Variants in MACF1 observed in about 807,000 individuals in gnomAD.
MACF1 encodes the protein microtubule actin crosslinking factor 1.
Under a neutral mutation model 854.8 loss-of-function variants are expected in MACF1, and 193 were observed. The ratio of observed to expected loss-of-function variants is 0.23; its 90% CI spans 0.20 to 0.25. The LOEUF is 0.25. Ranked by LOEUF, MACF1 falls within the 10% of genes least tolerant of loss-of-function variation. The probability of loss-of-function intolerance (pLI) is 1.00; values close to 1 mark genes in which losing one functional copy is unlikely to be tolerated. For missense variants in MACF1, 7,722 were observed against 8,929.1 expected, an observed-to-expected ratio of 0.86 and a Z score of 5.45; for synonymous variants, 3,185 against 3,226.7, an observed-to-expected ratio of 0.99 and a Z score of 0.44.
intron 58 of MACF1, among the ~76,000 whole-genome samples, chr1:39,418,211 G>A (rs1355509942): frequency 6.6e-6 from 1 of 152,138 alleles, no homozygotes; most frequent in Non-Finnish European, 1.5e-5. Flanking sequence ...GGAGTGGATA[G>A]TATAAATTAT....
At chr1:39,126,520 G>A (rs1292864902) in intron 2 of MACF1, among the ~76,000 whole-genome samples, 1 of 152,166 alleles carries the variant, frequency 6.6e-6, no homozygotes, top group Non-Finnish European at 1.5e-5. Flanking sequence ...GAGCACGGTG[G>A]CTCATGCCTG....
At chr1:39,295,002 A>G (rs746054938) in intron 18 of MACF1, 44 bp from the exon 19 acceptor site, 1 of 1,403,358 alleles carries the variant, frequency 7.1e-7, no homozygotes, top group African/African-American at 1.4e-5. Flanking sequence ...TCCGCTCCCC[A>G]CTGCCAAGAG....
chr1:39,324,547 C>A (rs962387610), intron 34 of MACF1, 99 bp from the exon 35 acceptor site: 5 of 1,110,664 alleles, frequency 4.5e-6, no homozygotes, highest in Non-Finnish European at 6.4e-6. Flanking sequence ...TTGACCTAAG[C>A]TGCATATTTT....
chr1:39,233,791 T>TG (rs1644815461), intron 2 of MACF1, among the ~76,000 whole-genome samples: 1 of 89,302 alleles, frequency 1.1e-5, no homozygotes, highest in Non-Finnish European at 2.8e-5. Context: ...TTTTTTTTTT[T>TG]TTTTTTATTT....
chr1:39,473,951 A>G (rs1474776982), intron 97 of MACF1, among the ~76,000 whole-genome samples: 3 of 152,178 alleles, frequency 2.0e-5, no homozygotes, highest in Non-Finnish European at 2.9e-5. Context: ...TGGAGAAGGT[A>G]TCAGGAAAAG....
chr1:39,260,939 A>G (rs761176277), intron 6 of MACF1, among the ~76,000 whole-genome samples: 2 of 152,142 alleles, frequency 1.3e-5, no homozygotes, highest in Non-Finnish European at 2.9e-5. Context: ...TATTTGTAAT[A>G]TATATGAATC....
In MACF1 at chr1:39,287,283, C is replaced by G. The variant is rs1369155305; in HGVS notation, c.1509-3C>G. 6.2e-7 allele frequency: 1 copy of G among 1,612,168 alleles called. No individual in the cohort carries two copies. Among genetic ancestry groups the G allele is most frequent in the Non-Finnish European group, 8.5e-7 (1 of 1,178,606 alleles). On this transcript the variant is annotated splice_polypyrimidine_tract_variant and splice_region_variant and intron_variant, in intron 14 of 100. Coordinates refer to ENST00000564288, the MANE Select transcript of MACF1 (RefSeq NM_001394062.1). ...TTTCCTTTTTTCTCTTCTTCCATTTCAGGGTCATGCGTCTTCAGGATGAGC... is the reference window on the plus strand; with the variant it reads ...TTTCCTTTTTTCTCTTCTTCCATTTGAGGGTCATGCGTCTTCAGGATGAGC...
intron 2 of MACF1, chr1:39,249,741 T>A (rs558318963): frequency 7.5e-6 from 2 of 266,638 alleles, no homozygotes; most frequent in South Asian, 1.1e-4. Context: ...ACTCCCCATC[T>A]TCTTGTCCAA....
At chr1:39,339,977 A>G (rs1412746425) in intron 38 of MACF1, among the ~76,000 whole-genome samples, 1 of 152,206 alleles carries the variant, frequency 6.6e-6, no homozygotes, top group Non-Finnish European at 1.5e-5. Flanking sequence ...TTTCCGGCTT[A>G]TCTGTTGAGG....
chr1:39,313,859 C>T (rs1646352459), intron 26 of MACF1, among the ~76,000 whole-genome samples: 1 of 152,044 alleles, frequency 6.6e-6, no homozygotes, highest in Non-Finnish European at 1.5e-5. Flanking sequence ...CAGCAGTCCT[C>T]CTGCCTCAGC....
chr1:39,334,354 C>A lies in MACF1; in HGVS notation c.7766C>A (p.Ser2589Tyr). ...ACTGGAAACTTTGTGGATCTCATTT[C>A]TGGTCAGAGATTGACCTTGGCAGAA... Reference protein sequence around the residue: ...AFTGNFVDLISGQRLTLAEAK... With the variant: ...AFTGNFVDLIYGQRLTLAEAK... Residue 2589 changes from serine to tyrosine, a missense_variant, in exon 37 of 101, where the codon TCT (serine) becomes TAT (tyrosine). Ser to Tyr is a moderately radical substitution (Grantham distance 144). This residue lies in a region of MACF1 where 1,531 missense variants were observed against 1,601.6 expected (regional missense o/e 0.96). Transcript: ENST00000564288. 6.2e-7 allele frequency: 1 copy of A among 1,614,108 alleles called. No homozygotes were observed. Among genetic ancestry groups the A allele is most frequent in the Non-Finnish European group, 8.5e-7 (1 of 1,180,002 alleles).
intron 52 of MACF1, among the ~76,000 whole-genome samples, chr1:39,374,144 A>G (rs1649511227): frequency 6.6e-6 from 1 of 151,950 alleles, no homozygotes; most frequent in African/African-American, 2.4e-5. Context: ...CAGGAGGCTG[A>G]TGTGGGAGAA....
At chr1:39,267,459 G>A (rs1248102615) in intron 6 of MACF1, among the ~76,000 whole-genome samples, 1 of 152,154 alleles carries the variant, frequency 6.6e-6, no homozygotes, top group Non-Finnish European at 1.5e-5. Context: ...TTAAACTCCT[G>A]AGCTCAGGCA....
At chr1:39,368,337 C>A (rs748570401) in intron 50 of MACF1, 23 bp downstream of exon 50, 2 of 1,603,220 alleles carry the variant, frequency 1.2e-6, no homozygotes, top group South Asian at 1.1e-5. Context: ...TTGTGTTGGT[C>A]AGCATTGGGG....
At chr1:39,170,237 GT>G (rs1643929830) in intron 2 of MACF1, among the ~76,000 whole-genome samples, 1 of 152,122 alleles carries the variant, frequency 6.6e-6, no homozygotes, top group Admixed American at 6.5e-5. Context: ...TCCCAAGCTA[GT>G]TTTATCTATC....
chr1:39,367,343 T>G (rs908272934), intron 49 of MACF1, among the ~76,000 whole-genome samples: 1 of 148,880 alleles, frequency 6.7e-6, no homozygotes, highest in African/African-American at 2.5e-5. Context: ...GCATTGGCTG[T>G]TTTTTTTTTA....
At chr1:39,473,593 C>A (rs1644818888) in intron 97 of MACF1, among the ~76,000 whole-genome samples, 1 of 152,232 alleles carries the variant, frequency 6.6e-6, no homozygotes, top group African/African-American at 2.4e-5. Flanking sequence ...CTCACTTTAA[C>A]ACAGCTTGGT....
intron 2 of MACF1, among the ~76,000 whole-genome samples, chr1:39,233,961 G>T: frequency 1.4e-5 from 2 of 142,288 alleles, no homozygotes; most frequent in African/African-American, 2.6e-5. Flanking sequence ...TGTGTCCCTG[G>T]GTACTTGAGA....
intron 1 of MACF1, among the ~76,000 whole-genome samples, chr1:39,211,024 T>C (rs1013822300): frequency 5.3e-5 from 8 of 150,578 alleles, no homozygotes; most frequent in Non-Finnish European, 1.2e-4. Flanking sequence ...TGGAGTGCAG[T>C]GGCATAATCT....
Sources: allele counts gnomAD v4.1 joint callset (sites outside exome capture counted in the v4.1 genomes callset), GRCh38; gene constraint gnomAD v4.1.1; regional missense constraint gnomAD v4.1.1; transcripts MANE v1.5; gene names NCBI Gene and HGNC (gene_info 2026-07-23, HGNC 2026-07-21).